AGPAT4: variants seen among roughly 807,000 people sequenced by gnomAD.
AGPAT4 encodes 1-acylglycerol-3-phosphate O-acyltransferase 4.
In AGPAT4, 15 loss-of-function variants were observed where a neutral mutation model predicts 48.0. The ratio of observed to expected loss-of-function variants is 0.31; its 90% CI spans 0.21 to 0.48. The LOEUF is 0.48. Ranked by LOEUF, AGPAT4 falls within the 20% of genes least tolerant of loss-of-function variation. AGPAT4 has a pLI of 0.99. For missense variants in AGPAT4, 314 were observed against 482.5 expected (o/e 0.65, Z 3.27); for synonymous variants, 178 against 198.7 (o/e 0.90, Z 0.88).
At position 161,270,643 on chromosome 6, in the gene AGPAT4, G is replaced by C. The variant is rs113384860; in HGVS notation, c.-90+3295C>G. On this transcript the variant is annotated intron_variant, in intron 1 of 8. Transcript: ENST00000320285. The surrounding 1 kb of genome is among the most constrained non-coding windows in gnomAD (Gnocchi z 5.3). ...AAAATAAAAAATAAATTAGCTGGGC[G>C]TGGTGCCACATGCTTGTGATCCCAG... Among the ~76,000 whole-genome samples the C allele has an allele frequency of 6.6e-6, 1 of 152,100 alleles. No individual in the cohort carries two copies. Among genetic ancestry groups the C allele is most frequent in the African/African-American group, 2.4e-5 (1 of 41,412 alleles).
At position 161,202,253 on chromosome 6, in the gene AGPAT4, AAG is replaced by A. The variant is rs1040012952; in HGVS notation, c.178+29781_178+29782del. Among the ~76,000 whole-genome samples, 5 of 152,160 alleles carry A rather than the reference AAG, an allele frequency of 3.3e-5. No individual in the cohort carries two copies. The highest frequency in any genetic ancestry group is 2.9e-5 in the Non-Finnish European group (2 of 68,028). On this transcript the variant is annotated intron_variant, in intron 2 of 8. Coordinates refer to ENST00000320285, the MANE Select transcript of AGPAT4 (RefSeq NM_020133.3). The surrounding 1 kb of genome is among the most constrained non-coding windows in gnomAD (Gnocchi z 5.4). ...TGGGGTCTCTGGGGATGTCGCAGTC[AAG>A]ATGTCAGCTGGGGCTTGCCTGAGGC...
In AGPAT4 at chr6:161,133,497, C is replaced by G. The variant is rs1318202901; in HGVS notation, c.*3043G>C. 6.6e-6 allele frequency: 1 copy of G among 152,186 alleles called. No individual in the cohort carries two copies. The allele number at this position is 152,186 out of a possible 1,614,324, so 9.4% of individuals were successfully genotyped here. On this transcript the variant is annotated 3_prime_UTR_variant, in exon 9 of 9. Coordinates refer to ENST00000320285, the MANE Select transcript of AGPAT4 (RefSeq NM_020133.3). ...GACTAACTCACAGAGTGCCTTACTT[C>G]TTCCTCCCGATTAATCGTGTTCACT...
rs550756209 is a variant in AGPAT4, at chr6:161,201,364, CT to C, written c.178+30671del. Among the ~76,000 whole-genome samples the C allele has an allele frequency of 6.6e-6, 1 of 151,942 alleles. No individual in the cohort carries two copies. Among genetic ancestry groups the C allele is most frequent in the East Asian group, 1.9e-4 (1 of 5,196 alleles). On this transcript the variant is annotated intron_variant, in intron 2 of 8. Transcript: ENST00000320285. The surrounding 1 kb of genome is among the most constrained non-coding windows in gnomAD (Gnocchi z 6.0). ...AAGGAAATTACAGGAACCAATTTAC[CT>C]TTTTTTTCAGTCTTATTTTTATTCA...
At chr6:161,150,860 C>T (rs1047577102) in intron 5 of AGPAT4, among the ~76,000 whole-genome samples, 6 of 152,198 alleles carry the variant, frequency 3.9e-5, no homozygotes. Flanking sequence ...CTAGGGCTTC[C>T]CAGTAAGAAG....
In AGPAT4 at chr6:161,234,331, A is replaced by G. The variant is rs1050951170; in HGVS notation, c.-89-2029T>C. 6.6e-6 allele frequency among the ~76,000 whole-genome samples: 1 copy of G among 152,184 alleles called. No homozygotes were observed. The highest frequency in any genetic ancestry group is 1.5e-5 in the Non-Finnish European group (1 of 68,034). Reference sequence around the variant, plus strand: ...CTTTCGGCCTGATTTCTCTGAAATCATCTTAGCTCCACTGAGACATCCCAT... The same window carrying G: ...CTTTCGGCCTGATTTCTCTGAAATCGTCTTAGCTCCACTGAGACATCCCAT... On this transcript the variant is annotated intron_variant, in intron 1 of 8. Coordinates refer to ENST00000320285, the MANE Select transcript of AGPAT4 (RefSeq NM_020133.3). The surrounding 1 kb of genome is among the most constrained non-coding windows in gnomAD (Gnocchi z 4.4).
intron 1 of AGPAT4, among the ~76,000 whole-genome samples, chr6:161,265,682 CTCCCTTAGCTGGTGGG>C (rs1456531140): frequency 6.6e-6 from 1 of 152,114 alleles, no homozygotes; most frequent in East Asian, 1.9e-4. Flanking sequence ...GAAAAGGAGG[CTCCCTTAGCTGGTGGG>C]TGGGGAGGGG....
In AGPAT4 at chr6:161,166,475, TGCTGAGAGCAGG is replaced by T. The variant is rs1382326894; in HGVS notation, c.179-70_179-59del. 1 of 1,526,382 alleles carries T rather than the reference TGCTGAGAGCAGG, an allele frequency of 6.6e-7. No individual in the cohort carries two copies. Among genetic ancestry groups the T allele is most frequent in the African/African-American group, 1.4e-5 (1 of 71,950 alleles). The allele number at this position is 1,526,382 out of a possible 1,614,324, so 94.6% of individuals were successfully genotyped here. ...ACATGCAGCCTTGTCCTGGGAGCCC[TGCTGAGAGCAGG>T]GCTCTGCCCTCCCAGCTAGGGGAGA... On this transcript the variant is annotated intron_variant, in intron 2 of 8. Coordinates refer to ENST00000320285, the MANE Select transcript of AGPAT4 (RefSeq NM_020133.3). This position sits in a 1 kb window ranked among gnomAD's most constrained non-coding sequence, Gnocchi z 6.7.
chr6:161,273,251 T>A (rs1347547671), intron 1 of AGPAT4, among the ~76,000 whole-genome samples: 2 of 152,170 alleles, frequency 1.3e-5, no homozygotes, highest in African/African-American at 2.4e-5. Context: ...GAGAAATTCA[T>A]AGGCCGAAAA....
intron 2 of AGPAT4, among the ~76,000 whole-genome samples, chr6:161,186,073 G>A (rs1003510271): frequency 2.0e-5 from 3 of 152,180 alleles, no homozygotes; most frequent in East Asian, 1.9e-4. Flanking sequence ...CATTAACAAG[G>A]AAAGTCTCAT....
At position 161,223,267 on chromosome 6, in the gene AGPAT4, C is replaced by T. The variant is rs1265110412; in HGVS notation, c.178+8769G>A. Among the ~76,000 whole-genome samples, 1 of 152,228 alleles carries T rather than the reference C, an allele frequency of 6.6e-6. No individual in the cohort carries two copies. Among genetic ancestry groups the T allele is most frequent in the Non-Finnish European group, 1.5e-5 (1 of 68,038 alleles). ...GTGCACGTTTGTTAAAGAATGCCTG[C>T]TGGGCGGCGACAGGCATTCTGCAGC... is the stretch of plus-strand genomic sequence containing the variant. On this transcript the variant is annotated intron_variant, in intron 2 of 8. Coordinates refer to ENST00000320285, the MANE Select transcript of AGPAT4 (RefSeq NM_020133.3). This position sits in a 1 kb window ranked among gnomAD's most constrained non-coding sequence, Gnocchi z 6.3.
At position 161,136,291 on chromosome 6, in the gene AGPAT4, A is replaced by G. The variant is rs1023947570; in HGVS notation, c.*249T>C. 2.0e-6 allele frequency: 1 copy of G among 510,408 alleles called. No individual in the cohort carries two copies. Among genetic ancestry groups the G allele is most frequent in the African/African-American group, 1.9e-5 (1 of 51,726 alleles). The allele number at this position is 510,408 out of a possible 1,614,324, so 31.6% of individuals were successfully genotyped here. A position where few individuals can be genotyped will look rare whatever the true frequency, so the allele number is the denominator to read the frequency against. On this transcript the variant is annotated 3_prime_UTR_variant, in exon 9 of 9. Coordinates refer to ENST00000320285, the MANE Select transcript of AGPAT4 (RefSeq NM_020133.3). ...ACAGAACAAAGTTCACACTCACCAC[A>G]CAGCCATTCTCACACACACTCGCAC... is the stretch of plus-strand genomic sequence containing the variant.
At chr6:161,269,255 G>A (rs1173523194) in intron 1 of AGPAT4, among the ~76,000 whole-genome samples, 1 of 152,082 alleles carries the variant, frequency 6.6e-6, no homozygotes, top group Admixed American at 6.5e-5. Flanking sequence ...TGTGTCTCCT[G>A]CGTTAGAAAT....
Position 161,262,700 on chromosome 6 carries a change from C to T in AGPAT4, c.-90+11238G>A, listed in dbSNP as rs936775514. Among the ~76,000 whole-genome samples, 17 of 152,098 alleles carry T rather than the reference C, an allele frequency of 1.1e-4. No homozygotes were observed. Among genetic ancestry groups the T allele is most frequent in the African/African-American group, 3.6e-4 (15 of 41,394 alleles). ...TGGGTCCGATTATTCTTCAGTCCCA[C>T]GGGGGAGTGAGACCCTCATAGTGAG... On this transcript the variant is annotated intron_variant, in intron 1 of 8. Transcript: ENST00000320285. This position sits in a 1 kb window ranked among gnomAD's most constrained non-coding sequence, Gnocchi z 4.9.
rs1049173097 is a variant in AGPAT4 at position 161,171,751 on chromosome 6, T to A, written c.179-5334A>T. On this transcript the variant is annotated intron_variant, in intron 2 of 8. Coordinates refer to ENST00000320285, the MANE Select transcript of AGPAT4 (RefSeq NM_020133.3). This position sits in a 1 kb window ranked among gnomAD's most constrained non-coding sequence, Gnocchi z 4.4. ...AAAAATACAAAAAAAAAAAAAAAAA[T>A]TAGCTGGGCGTGGTGGCAGGCACCT... is the stretch of plus-strand genomic sequence containing the variant. 1.4e-5 allele frequency among the ~76,000 whole-genome samples: 2 copies of A among 143,772 alleles called. No homozygotes were observed. The highest frequency in any genetic ancestry group is 5.2e-5 in the African/African-American group (2 of 38,550). 94.3% of individuals were successfully genotyped at this position (143,772 alleles called of 152,430 possible).
rs966394111 is a variant in AGPAT4, at chr6:161,144,773, G to T, written c.843+1751C>A. ...GAGGGCAGATCACAAGACCTTGTGA[G>T]ATCGAGACCATCCTGGCAAACACGG... On this transcript the variant is annotated intron_variant, in intron 7 of 8. Coordinates refer to ENST00000320285, the MANE Select transcript of AGPAT4 (RefSeq NM_020133.3). The surrounding 1 kb of genome is among the most constrained non-coding windows in gnomAD (Gnocchi z 6.6). Among the ~76,000 whole-genome samples the T allele has an allele frequency of 6.6e-6, 1 of 152,186 alleles. No individual in the cohort carries two copies. Among genetic ancestry groups the T allele is most frequent in the African/African-American group, 2.4e-5 (1 of 41,450 alleles).
chr6:161,238,614 C>G lies in AGPAT4; in HGVS notation c.-89-6312G>C, dbSNP rs1044864144. Reference sequence around the variant, plus strand: ...CTCACGTGTACTTTACCTTCCTTAACTATGTAATCTTCCCAAAGCGTGGGA... The same window carrying G: ...CTCACGTGTACTTTACCTTCCTTAAGTATGTAATCTTCCCAAAGCGTGGGA... On this transcript the variant is annotated intron_variant, in intron 1 of 8. Coordinates refer to ENST00000320285, the MANE Select transcript of AGPAT4 (RefSeq NM_020133.3). This position sits in a 1 kb window ranked among gnomAD's most constrained non-coding sequence, Gnocchi z 5.2. 5.3e-5 allele frequency among the ~76,000 whole-genome samples: 8 copies of G among 152,192 alleles called. No individual in the cohort carries two copies. The highest frequency in any genetic ancestry group is 7.3e-5 in the Non-Finnish European group (5 of 68,046).
intron 1 of AGPAT4, among the ~76,000 whole-genome samples, chr6:161,237,244 GTAGAT>G (rs1193204327): frequency 2.0e-5 from 3 of 152,190 alleles, no homozygotes; most frequent in African/African-American, 7.2e-5. Flanking sequence ...CAGGCCACTG[GTAGAT>G]TAGTAGATAT....
chr6:161,206,715 C>A lies in AGPAT4; in HGVS notation c.178+25321G>T, dbSNP rs567541312. Among the ~76,000 whole-genome samples the A allele has an allele frequency of 6.6e-6, 1 of 152,040 alleles. No homozygotes were observed. Among genetic ancestry groups the A allele is most frequent in the Non-Finnish European group, 1.5e-5 (1 of 68,026 alleles). ...TTGACACATGCCAACCCTGGGATGA[C>A]ACAGACATGGAAGATATTTAAGAAG... On this transcript the variant is annotated intron_variant, in intron 2 of 8. Coordinates refer to ENST00000320285, the MANE Select transcript of AGPAT4 (RefSeq NM_020133.3). The surrounding 1 kb of genome is among the most constrained non-coding windows in gnomAD (Gnocchi z 4.8).
chr6:161,163,431 G>A (rs1779995273), intron 3 of AGPAT4, among the ~76,000 whole-genome samples: 1 of 152,088 alleles, frequency 6.6e-6, no homozygotes, highest in African/African-American at 2.4e-5. Flanking sequence ...AAAGACAAAA[G>A]ATGTTGCTGA....
Sources: gnomAD v4.1 joint callset for allele counts (sites outside exome capture counted in the v4.1 genomes callset) on GRCh38, gnomAD v4.1.1 for gene constraint, Gnocchi (gnomAD v3.1) non-coding constraint, MANE v1.5 for transcripts, NCBI Gene and HGNC (gene_info 2026-07-23, HGNC 2026-07-21) for gene names.